ZNF653: variants seen among roughly 807,000 people sequenced by gnomAD.
ZNF653 encodes 67 kDa zinc finger protein.
A neutral mutation model predicts 59.9 loss-of-function variants in ZNF653; 37 were observed. That is an observed-to-expected ratio of 0.62 (90% CI 0.48 to 0.81). The LOEUF (loss-of-function observed/expected upper bound fraction) is 0.81. Among genes scored for constraint, ZNF653 ranks in the 40% least tolerant of loss-of-function variants. The probability of loss-of-function intolerance (pLI) is 0.00; values close to 1 mark genes in which losing one functional copy is unlikely to be tolerated. For synonymous variants in ZNF653, 435 were observed against 371.8 expected (o/e 1.17, Z -1.96); for missense variants, 808 against 881.1 (o/e 0.92, Z 1.05).
rs1971488313 is a variant in ZNF653 at position 11,487,966 on chromosome 19, GT to G, written c.560-64del. 12 of 1,205,066 alleles carry G rather than the reference GT, an allele frequency of 1.0e-5. No individual in the cohort carries two copies. The highest frequency in any genetic ancestry group is 1.2e-5 in the Non-Finnish European group (12 of 965,452). 74.6% of individuals were successfully genotyped at this position (1,205,066 alleles called of 1,614,324 possible). A position where few individuals can be genotyped will look rare whatever the true frequency, so the allele number is the denominator to read the frequency against. ...GCAGCCACTGGTATTTGTTTATTTA[GT>G]TTTTATTTTATTTTATTTATTTATT... On this transcript the variant is annotated intron_variant, in intron 3 of 8. Coordinates refer to ENST00000293771, the MANE Select transcript of ZNF653 (RefSeq NM_138783.4). The surrounding 1 kb of genome is among the most constrained non-coding windows in gnomAD (Gnocchi z 5.1).
rs1319562501 is a variant in ZNF653, at chr19:11,505,731, C to T, written c.56G>A (p.Gly19Asp). 6 of 1,455,302 alleles carry T rather than the reference C, an allele frequency of 4.1e-6. No homozygotes were observed. Among genetic ancestry groups the T allele is most frequent in the Non-Finnish European group, 5.4e-6 (6 of 1,113,946 alleles). The allele number at this position is 1,455,302 out of a possible 1,614,324, so 90.1% of individuals were successfully genotyped here. A position where few individuals can be genotyped will look rare whatever the true frequency, so the allele number is the denominator to read the frequency against. Reference sequence around the variant, plus strand: ...GCCCTCCTCGGCTGCTGCCTCCCCGCCCGCGCCCGCCTCAGCCTCCGCCTC... The same window carrying T: ...GCCCTCCTCGGCTGCTGCCTCCCCGTCCGCGCCCGCCTCAGCCTCCGCCTC... ...EAEAEAEAGA[G>D]GEAAAEEGAA... The change falls in exon 1 of 9, where the codon GGC becomes GAC. Residue 19 changes from glycine (G) to aspartate (D), a missense_variant. By Grantham distance (94) the Gly-to-Asp change is moderately conservative. Transcript: ENST00000293771.
chr19:11,487,899 G>A lies in ZNF653; in HGVS notation c.564C>T (p.Gly188=), dbSNP rs771606010. 3.8e-6 allele frequency: 6 copies of A among 1,585,840 alleles called. No homozygotes were observed. The highest frequency in any genetic ancestry group is 5.2e-6 in the Non-Finnish European group (6 of 1,163,818). Residue 188 remains glycine, a synonymous_variant, in exon 4 of 9, where the codon GGC becomes GGT. Coordinates refer to ENST00000293771, the MANE Select transcript of ZNF653 (RefSeq NM_138783.4). This position sits in a 1 kb window ranked among gnomAD's most constrained non-coding sequence, Gnocchi z 5.1. ...CAGAGCTGCCAGCCACCAGCCCATT[G>A]CCCACTGTGGGGACAGAAGAAAGGG... ...SDSDPDSDKV[G]NGLVAGSSDS... is the part of the protein sequence containing the mutation.
intron 3 of ZNF653, among the ~76,000 whole-genome samples, chr19:11,493,085 T>G (rs988598621): frequency 7.0e-6 from 1 of 143,132 alleles, no homozygotes; most frequent in African/African-American, 2.6e-5. Context: ...CTAGACAGAG[T>G]CTTGCTCTGT....
chr19:11,498,456 C>CCTTT (rs60785386), intron 1 of ZNF653, 117 bp from the exon 2 acceptor site: 30 of 1,397,948 alleles, frequency 2.1e-5, no homozygotes, highest in African/African-American at 7.1e-5. Flanking sequence ...TAAATCTGAA[C>CCTTT]TTTTTGAGAT....
At position 11,498,312 on chromosome 19, in the gene ZNF653, C is replaced by A. The variant is rs1047296915; in HGVS notation, c.327G>T (p.Lys109Asn). 6.2e-7 allele frequency: 1 copy of A among 1,614,092 alleles called. No individual in the cohort carries two copies. The highest frequency in any genetic ancestry group is 8.5e-7 in the Non-Finnish European group (1 of 1,179,952). Residue 109 changes from lysine to asparagine, a missense_variant, in exon 2 of 9, where the codon AAG (lysine) becomes AAT (asparagine). Transcript: ENST00000293771. ...TCCACTTACTTTTCTTCCGCTTTGG[C>A]TTTTTGGGGACCTGCTCCCAAGGCT... ...HGKPWEQVPK[K>N]PKRKKRRRRN... is the part of the protein sequence containing the mutation.
At position 11,505,796 on chromosome 19, in the gene ZNF653, C is replaced by G. The variant is rs1338537155; in HGVS notation, c.-10G>C. The G allele has an allele frequency of 7.2e-7, 1 of 1,393,968 alleles. No homozygotes were observed. Among genetic ancestry groups the G allele is most frequent in the Non-Finnish European group, 9.2e-7 (1 of 1,083,788 alleles). 86.3% of individuals were successfully genotyped at this position (1,393,968 alleles called of 1,614,324 possible). A position where few individuals can be genotyped will look rare whatever the true frequency, so the allele number is the denominator to read the frequency against. ...GCGCCCGCTCCGCCATCCCCCCCACCCTGGTTACCAGCCTCCCCCGTTGTT... is the reference window on the plus strand; with the variant it reads ...GCGCCCGCTCCGCCATCCCCCCCACGCTGGTTACCAGCCTCCCCCGTTGTT... On this transcript the variant is annotated 5_prime_UTR_variant, in exon 1 of 9. Coordinates refer to ENST00000293771, the MANE Select transcript of ZNF653 (RefSeq NM_138783.4).
chr19:11,501,083 T>C (rs1389448044), intron 1 of ZNF653, among the ~76,000 whole-genome samples: 1 of 152,116 alleles, frequency 6.6e-6, no homozygotes, highest in East Asian at 1.9e-4. Context: ...TCTTCAGTCA[T>C]TCCCACCAGC....
chr19:11,503,041 A>T (rs1971663843), intron 1 of ZNF653, among the ~76,000 whole-genome samples: 1 of 151,562 alleles, frequency 6.6e-6, no homozygotes, highest in Admixed American at 6.6e-5. Context: ...CTCAAAAAAA[A>T]AAAAGGTGGG....
At chr19:11,489,480 T>C (rs1407914214) in intron 3 of ZNF653, among the ~76,000 whole-genome samples, 5 of 152,128 alleles carry the variant, frequency 3.3e-5, no homozygotes. Context: ...ATTACAGACA[T>C]GAGGCACCTC....
intron 3 of ZNF653, among the ~76,000 whole-genome samples, chr19:11,493,644 C>A (rs568958456): frequency 3.3e-5 from 5 of 152,182 alleles, no homozygotes; most frequent in Non-Finnish European, 7.3e-5. Context: ...GGCCAGAGCA[C>A]GCGTCTGGGT....
chr19:11,487,520 G>A lies in ZNF653; in HGVS notation c.943C>T (p.Pro315Ser). The A allele has an allele frequency of 6.2e-7, 1 of 1,613,884 alleles. No individual in the cohort carries two copies. Among genetic ancestry groups the A allele is most frequent in the Admixed American group, 1.7e-5 (1 of 60,024 alleles). ...GCAATGATGATCACCTGTGAGCCGG[G>A]CACCATGCCTGGCATGGGGCAGCTG... Reference protein sequence around the residue: ...VASCPMPGMVPGSQVIIIAGP... With the variant: ...VASCPMPGMVSGSQVIIIAGP... The change falls in exon 4 of 9, where the codon CCC becomes TCC. Residue 315 changes from proline (P) to serine (S), a missense_variant. Physicochemically the swap from Pro to Ser is moderately conservative, Grantham distance 74 (BLOSUM62 -1). Coordinates refer to ENST00000293771, the MANE Select transcript of ZNF653 (RefSeq NM_138783.4). This position sits in a 1 kb window ranked among gnomAD's most constrained non-coding sequence, Gnocchi z 5.1.
chr19:11,502,807 G>A (rs1194822626), intron 1 of ZNF653, among the ~76,000 whole-genome samples: 1 of 152,208 alleles, frequency 6.6e-6, no homozygotes, highest in Non-Finnish European at 1.5e-5. Context: ...GCCGAGGCAG[G>A]CAGACCTCTT....
chr19:11,492,171 T>C (rs1222899054), intron 3 of ZNF653, among the ~76,000 whole-genome samples: 1 of 151,932 alleles, frequency 6.6e-6, no homozygotes, highest in Non-Finnish European at 1.5e-5. Context: ...CTCAGTCTCC[T>C]GAGTAGCTGG....
chr19:11,504,000 G>A (rs1391058745), intron 1 of ZNF653, among the ~76,000 whole-genome samples: 1 of 152,162 alleles, frequency 6.6e-6, no homozygotes, highest in Non-Finnish European at 1.5e-5. Context: ...AACTACTCAG[G>A]AGGCGGAGGT....
In ZNF653 at chr19:11,487,830, A is replaced by G. The variant is rs1386798439; in HGVS notation, c.633T>C (p.Pro211=). The G allele has an allele frequency of 1.2e-6, 2 of 1,611,816 alleles. No individual in the cohort carries two copies. Among genetic ancestry groups the G allele is most frequent in the Admixed American group, 1.7e-5 (1 of 59,936 alleles). ...SGSASDSEES[P]EGQPVKAAAA... ...CCGCAGCCTTGACCGGCTGGCCCTC[A>G]GGAGACTCCTCAGAGTCAGAGGCAG... is the stretch of plus-strand genomic sequence containing the variant. Residue 211 remains proline (P), a synonymous_variant, in exon 4 of 9, where the codon CCT becomes CCC. Transcript: ENST00000293771. The surrounding 1 kb of genome is among the most constrained non-coding windows in gnomAD (Gnocchi z 5.1).
intron 7 of ZNF653, among the ~76,000 whole-genome samples, chr19:11,485,193 A>T (rs1971453186): frequency 6.6e-6 from 1 of 151,922 alleles, no homozygotes; most frequent in Non-Finnish European, 1.5e-5. Context: ...TCCCCAGCCC[A>T]TGCAGAAGAC....
chr19:11,487,730 G>A lies in ZNF653; in HGVS notation c.733C>T (p.Pro245Ser). The A allele has an allele frequency of 1.9e-6, 3 of 1,613,602 alleles. No individual in the cohort carries two copies. The highest frequency in any genetic ancestry group is 2.5e-6 in the Non-Finnish European group (3 of 1,179,932). Residue 245 changes from proline to serine, a missense_variant, in exon 4 of 9, where the codon CCC (proline) becomes TCC (serine). By Grantham distance (74) the Pro-to-Ser change is moderately conservative. Transcript: ENST00000293771. The surrounding 1 kb of genome is among the most constrained non-coding windows in gnomAD (Gnocchi z 5.1). ...CTTTCCACGTGGTGGACGTCAAAGG[G>A]AATGTGCACGCCCTCCTGAGTGATG... ...GLITQEGVHI[P>S]FDVHHVESLA...
chr19:11,496,234 A>C, intron 2 of ZNF653, 69 bp from the exon 3 acceptor site: 1 of 1,506,072 alleles, frequency 6.6e-7, no homozygotes, highest in South Asian at 1.2e-5. Context: ...GGCTGCCTGA[A>C]CCACCGGGGC....
chr19:11,487,593 G>C lies in ZNF653; in HGVS notation c.870C>G (p.Ser290Arg). 6.2e-7 allele frequency: 1 copy of C among 1,613,896 alleles called. No homozygotes were observed. The highest frequency in any genetic ancestry group is 8.5e-7 in the Non-Finnish European group (1 of 1,179,976). The change falls in exon 4 of 9, where the codon AGC becomes AGG. Residue 290 changes from serine to arginine, a missense_variant. Physicochemically the swap from Ser to Arg is moderately radical, Grantham distance 110. Transcript: ENST00000293771. The surrounding 1 kb of genome is among the most constrained non-coding windows in gnomAD (Gnocchi z 5.1). Reference protein sequence around the residue: ...PVPVQVGAGPSALFENVPQEA... With the variant: ...PVPVQVGAGPRALFENVPQEA... Reference sequence around the variant, plus strand: ...CCTGGGGCACGTTCTCAAAGAGGGCGCTGGGGCCCGCACCCACTTGCACAG... The same window carrying C: ...CCTGGGGCACGTTCTCAAAGAGGGCCCTGGGGCCCGCACCCACTTGCACAG...
Sources: gnomAD v4.1 joint callset for allele counts (sites outside exome capture counted in the v4.1 genomes callset) on GRCh38, gnomAD v4.1.1 for gene constraint, Gnocchi (gnomAD v3.1) non-coding constraint, MANE v1.5 for transcripts, NCBI Gene and HGNC (gene_info 2026-07-23, HGNC 2026-07-21) for gene names.